The following SLC10A7 variants were observed in gnomAD, a reference collection of about 807,000 sequenced individuals.
SLC10A7 encodes sodium/bile acid cotransporter 7.
A neutral mutation model predicts 43.2 loss-of-function variants in SLC10A7; 29 were observed. The observed-to-expected ratio is 0.67, with a 90% CI of 0.50 to 0.92. SLC10A7 has a LOEUF of 0.92. Among genes scored for constraint, SLC10A7 ranks in the 40% least tolerant of loss-of-function variants. The pLI is 0.00. For missense variants in SLC10A7, 295 were observed against 403.2 expected, an observed-to-expected ratio of 0.73 and a Z score of 2.30; for synonymous variants, 152 against 144.8, an observed-to-expected ratio of 1.05 and a Z score of -0.35.
At chr4:146,331,970 G>C (rs1733566660) in intron 5 of SLC10A7, among the ~76,000 whole-genome samples, 1 of 152,128 alleles carries the variant, frequency 6.6e-6, no homozygotes, top group Non-Finnish European at 1.5e-5. Flanking sequence ...CAAAGAATAT[G>C]ACATTATAAG....
At chr4:146,324,296 CTT>C in intron 6 of SLC10A7, among the ~76,000 whole-genome samples, 1 of 152,166 alleles carries the variant, frequency 6.6e-6, no homozygotes, top group East Asian at 1.9e-4. Flanking sequence ...CTACCAATGA[CTT>C]TCTTCACAGA....
intron 4 of SLC10A7, among the ~76,000 whole-genome samples, chr4:146,488,413 C>A (rs936136846): frequency 6.6e-6 from 1 of 151,990 alleles, no homozygotes; most frequent in African/African-American, 2.4e-5. Flanking sequence ...TGAGCATCTC[C>A]TAATGTCTTC....
At chr4:146,462,522 T>C (rs1732633467) in intron 4 of SLC10A7, among the ~76,000 whole-genome samples, 1 of 152,134 alleles carries the variant, frequency 6.6e-6, no homozygotes, top group African/African-American at 2.4e-5. Context: ...TCCACACCAT[T>C]AACCTTTATT....
intron 4 of SLC10A7, among the ~76,000 whole-genome samples, chr4:146,497,508 G>A (rs549434261): frequency 1.3e-5 from 2 of 151,780 alleles, no homozygotes; most frequent in Non-Finnish European, 2.9e-5. Flanking sequence ...TCAAAATTTT[G>A]CAAAGTTGTA....
intron 6 of SLC10A7, among the ~76,000 whole-genome samples, chr4:146,316,487 GC>G (rs887815369): frequency 2.6e-5 from 4 of 152,122 alleles, no homozygotes; most frequent in South Asian, 4.1e-4. Context: ...CAGCAAAAAA[GC>G]AGCCATCTAT....
In SLC10A7 at chr4:146,322,016, C is replaced by T. The variant is rs577060416; in HGVS notation, c.471+3945G>A. ...TAGCCCCGTTGACTCAGAAGGGAAG[C>T]GTTAAACTTTTACATTGAGGGTCTT... On this transcript the variant is annotated intron_variant, in intron 6 of 11. Coordinates refer to ENST00000335472, the MANE Select transcript of SLC10A7 (RefSeq NM_001029998.6). Among the ~76,000 whole-genome samples, 8 of 152,180 alleles carry T rather than the reference C, an allele frequency of 5.3e-5. No homozygotes were observed. The East Asian group carries it at 9.7e-4, about 18-fold the overall frequency.
chr4:146,339,587 G>A (rs142757276), intron 5 of SLC10A7, among the ~76,000 whole-genome samples: 30 of 152,016 alleles, frequency 2.0e-4, no homozygotes, highest in African/African-American at 5.8e-4. Context: ...AGATCCTCCT[G>A]CCACCCCCAA....
At chr4:146,259,409 G>A (rs1173916055) in intron 10 of SLC10A7, among the ~76,000 whole-genome samples, 1 of 152,188 alleles carries the variant, frequency 6.6e-6, no homozygotes, top group Non-Finnish European at 1.5e-5. Context: ...CGATCATTAG[G>A]TAAGGGTCAT....
intron 7 of SLC10A7, among the ~76,000 whole-genome samples, chr4:146,301,887 AG>A (rs140381209): frequency 0.062 from 9,437 of 152,274 alleles, 373 homozygotes; most frequent in South Asian, 0.16. Flanking sequence ...TGTGGTATCT[AG>A]AACACTTAAG....
chr4:146,401,816 T>C (rs550953470), intron 5 of SLC10A7, among the ~76,000 whole-genome samples: 1 of 152,308 alleles, frequency 6.6e-6, no homozygotes, highest in South Asian at 2.1e-4. Context: ...TATAGAAGTG[T>C]AACTTGTACT....
chr4:146,466,120 T>C (rs1330379009), intron 4 of SLC10A7, among the ~76,000 whole-genome samples: 1 of 152,158 alleles, frequency 6.6e-6, no homozygotes, highest in Non-Finnish European at 1.5e-5. Context: ...CCAACTCACT[T>C]AATTAAATTC....
At chr4:146,435,133 T>TA (rs1730112649) in intron 5 of SLC10A7, among the ~76,000 whole-genome samples, 1 of 152,202 alleles carries the variant, frequency 6.6e-6, no homozygotes, top group Non-Finnish European at 1.5e-5. Flanking sequence ...AATCTAGGCT[T>TA]AAAAAATGAT....
chr4:146,475,544 G>A (rs569673142), intron 4 of SLC10A7, among the ~76,000 whole-genome samples: 2 of 152,188 alleles, frequency 1.3e-5, no homozygotes, highest in East Asian at 1.9e-4. Context: ...AACATGCTAC[G>A]CACTGGAGAA....
chr4:146,380,746 T>C (rs1394679242), intron 5 of SLC10A7, among the ~76,000 whole-genome samples: 2 of 152,128 alleles, frequency 1.3e-5, no homozygotes, highest in African/African-American at 4.8e-5. Context: ...TGGCACATTA[T>C]ATTATTGTAG....
chr4:146,337,859 TA>T (rs1367491700), intron 5 of SLC10A7, among the ~76,000 whole-genome samples: 7 of 151,840 alleles, frequency 4.6e-5, no homozygotes, highest in African/African-American at 1.7e-4. Context: ...AAAAGATATT[TA>T]AGAAACAGAT....
chr4:146,331,549 C>T (rs992974239), intron 5 of SLC10A7, among the ~76,000 whole-genome samples: 7 of 152,124 alleles, frequency 4.6e-5, no homozygotes, highest in Non-Finnish European at 1.0e-4. Flanking sequence ...TTTTTATAAT[C>T]TCCCCAGAAC....
At chr4:146,424,043 G>A (rs1177723788) in intron 5 of SLC10A7, among the ~76,000 whole-genome samples, 1 of 152,034 alleles carries the variant, frequency 6.6e-6, no homozygotes, top group African/African-American at 2.4e-5. Flanking sequence ...GAGAACAGTT[G>A]GGTTTTGTTT....
intron 5 of SLC10A7, among the ~76,000 whole-genome samples, chr4:146,438,282 G>T (rs1447312117): frequency 6.6e-6 from 1 of 151,980 alleles, no homozygotes; most frequent in East Asian, 1.9e-4. Context: ...GGCATGAAAA[G>T]AAAATTGTTA....
intron 5 of SLC10A7, among the ~76,000 whole-genome samples, chr4:146,419,557 C>G (rs1263378172): frequency 6.6e-6 from 1 of 151,946 alleles, no homozygotes; most frequent in Non-Finnish European, 1.5e-5. Flanking sequence ...AATTAAAGGC[C>G]AGGCACAGTG....
Sources: gnomAD v4.1 joint callset for allele counts (sites outside exome capture counted in the v4.1 genomes callset) on GRCh38, gnomAD v4.1.1 for gene constraint, MANE v1.5 for transcripts, NCBI Gene and HGNC (gene_info 2026-07-23, HGNC 2026-07-21) for gene names.